Variants in SLC26A7 observed in about 807,000 individuals in gnomAD.
The protein encoded by SLC26A7 is anion exchange transporter.
A neutral mutation model predicts 82.5 loss-of-function variants in SLC26A7; 59 were observed. The ratio of observed to expected loss-of-function variants is 0.72; its 90% CI spans 0.58 to 0.89. The LOEUF (loss-of-function observed/expected upper bound fraction) is 0.89. Among genes scored for constraint, SLC26A7 ranks in the 40% least tolerant of loss-of-function variants. The pLI, the probability that SLC26A7 is intolerant of heterozygous loss-of-function variation, is 0.00. For missense variants in SLC26A7, 820 were observed against 793.0 expected, an observed-to-expected ratio of 1.03 and a Z score of -0.41; for synonymous variants, 271 against 274.3, an observed-to-expected ratio of 0.99 and a Z score of 0.12.
chr8:91,216,252 G>C (rs1413732476), intron 1 of SLC26A7, among the ~76,000 whole-genome samples: 1 of 152,080 alleles, frequency 6.6e-6, no homozygotes, highest in Non-Finnish European at 1.5e-5. Context: ...AGGGGAAAGA[G>C]GGACACAGAC....
intron 2 of SLC26A7, among the ~76,000 whole-genome samples, chr8:91,265,992 T>A (rs1292597267): frequency 6.6e-6 from 1 of 152,102 alleles, no homozygotes; most frequent in Non-Finnish European, 1.5e-5. Flanking sequence ...TTTGAGATCC[T>A]ATCCAAAAAG....
At chr8:91,228,114 C>A (rs1339161129) in intron 2 of SLC26A7, among the ~76,000 whole-genome samples, 1 of 152,200 alleles carries the variant, frequency 6.6e-6, no homozygotes, top group Non-Finnish European at 1.5e-5. Flanking sequence ...AGCCATGGCA[C>A]ACCAGAATTA....
chr8:91,279,925 G>A (rs1056209013), intron 2 of SLC26A7, among the ~76,000 whole-genome samples: 3 of 152,046 alleles, frequency 2.0e-5, no homozygotes, highest in African/African-American at 7.2e-5. Flanking sequence ...TTCTATTCAT[G>A]TCCTTTGCCC....
chr8:91,254,123 G>C (rs1025943588), intron 2 of SLC26A7, among the ~76,000 whole-genome samples: 21 of 152,016 alleles, frequency 1.4e-4, no homozygotes, highest in Non-Finnish European at 2.1e-4. Context: ...TGTTTTCTTT[G>C]TCCCAATGTT....
intron 4 of SLC26A7, among the ~76,000 whole-genome samples, chr8:91,314,344 T>A (rs765417130): frequency 1.3e-5 from 2 of 152,182 alleles, no homozygotes; most frequent in Non-Finnish European, 2.9e-5. Context: ...CATGGTTCAA[T>A]CTGTGGGCCC....
chr8:91,326,055 A>G (rs1812923138), intron 5 of SLC26A7, among the ~76,000 whole-genome samples: 1 of 152,080 alleles, frequency 6.6e-6, no homozygotes, highest in South Asian at 2.1e-4. Context: ...TGCCTGATTG[A>G]TCTTTGGTAG....
At chr8:91,296,260 A>G (rs1185836941) in intron 4 of SLC26A7, among the ~76,000 whole-genome samples, 3 of 152,216 alleles carry the variant, frequency 2.0e-5, no homozygotes, top group Non-Finnish European at 2.9e-5. Flanking sequence ...TCAAAATATC[A>G]GAATATGTAA....
rs771823537 is a variant in SLC26A7, at chr8:91,295,633, G to A, written c.407G>A (p.Gly136Asp). ...LTTQSNTSVL[G>D]LSDFEMQRIH... ...ACACAGAGTAACACAAGCGTGCTGG[G>A]CTTATCCGACTTTGAAATGCAAAGG... Residue 136 changes from glycine (G) to aspartate (D), a missense_variant, in exon 4 of 19, where the codon GGC becomes GAC. Coordinates refer to ENST00000276609, the MANE Select transcript of SLC26A7 (RefSeq NM_052832.4). 5.6e-6 allele frequency: 9 copies of A among 1,613,982 alleles called. No individual in the cohort carries two copies. Among genetic ancestry groups the A allele is most frequent in the Non-Finnish European group, 6.8e-6 (8 of 1,180,000 alleles).
Position 91,396,323 on chromosome 8 carries a change from C to A in SLC26A7, c.*1226C>A, listed in dbSNP as rs909040872. 1 of 151,986 alleles carries A rather than the reference C, an allele frequency of 6.6e-6. No homozygotes were observed. The highest frequency in any genetic ancestry group is 2.4e-5 in the African/African-American group (1 of 41,432). 9.4% of individuals were successfully genotyped at this position (151,986 alleles called of 1,614,324 possible). Reference sequence around the variant, plus strand: ...GCTTAAGCTTTTAACAGCATTTTAACCGCTCTAAAAATTACCAGAGTAAGA... The same window carrying A: ...GCTTAAGCTTTTAACAGCATTTTAAACGCTCTAAAAATTACCAGAGTAAGA... On this transcript the variant is annotated 3_prime_UTR_variant, in exon 19 of 19. Coordinates refer to ENST00000276609, the MANE Select transcript of SLC26A7 (RefSeq NM_052832.4).
chr8:91,256,146 A>G (rs1810794725), intron 2 of SLC26A7, among the ~76,000 whole-genome samples: 1 of 152,174 alleles, frequency 6.6e-6, no homozygotes, highest in Non-Finnish European at 1.5e-5. Flanking sequence ...GGATTAAAAG[A>G]ATGCTAATAC....
intron 1 of SLC26A7, among the ~76,000 whole-genome samples, chr8:91,215,833 G>C (rs1436312066): frequency 6.6e-6 from 1 of 152,100 alleles, no homozygotes; most frequent in Non-Finnish European, 1.5e-5. Flanking sequence ...CTATAACAGG[G>C]AGTGTCTTAT....
intron 2 of SLC26A7, among the ~76,000 whole-genome samples, chr8:91,284,574 T>C (rs78216163): frequency 6.6e-6 from 1 of 152,182 alleles, no homozygotes; most frequent in African/African-American, 2.4e-5. Flanking sequence ...GTTACAGATA[T>C]TGAGTCCTGA....
intron 9 of SLC26A7, among the ~76,000 whole-genome samples, chr8:91,344,788 T>A (rs1244056946): frequency 2.0e-5 from 3 of 152,186 alleles, no homozygotes; most frequent in Non-Finnish European, 4.4e-5. Flanking sequence ...TGTAGGGTCA[T>A]CTTCTGTAGT....
intron 15 of SLC26A7, among the ~76,000 whole-genome samples, chr8:91,380,342 A>G (rs985393635): frequency 5.3e-5 from 8 of 152,112 alleles, no homozygotes; most frequent in African/African-American, 1.9e-4. Context: ...TAAACACGAA[A>G]TTAATTTATG....
chr8:91,388,656 T>G (rs761246226), intron 15 of SLC26A7, among the ~76,000 whole-genome samples: 1 of 152,150 alleles, frequency 6.6e-6, no homozygotes, highest in Non-Finnish European at 1.5e-5. Flanking sequence ...GGCCTGTCAC[T>G]GTTAAGAAAT....
intron 2 of SLC26A7, among the ~76,000 whole-genome samples, chr8:91,276,238 AAAAG>A (rs1441093438): frequency 1.7e-5 from 2 of 120,806 alleles, no homozygotes; most frequent in Non-Finnish European, 3.6e-5. Context: ...AGAAATCATA[AAAAG>A]AAAGACATGC....
rs1428602564 is a variant in SLC26A7 at position 91,231,767 on chromosome 8, CTG to C, written c.-34+12768_-34+12769del. On this transcript the variant is annotated intron_variant, in intron 2 of 5. Transcript: ENST00000522862. Reference sequence around the variant, plus strand: ...CAAATACTGTATGACATAGGGAACTCTGTGTGTATGTGTGTATGTGTGTGTAT... The same window carrying C: ...CAAATACTGTATGACATAGGGAACTCTGTGTATGTGTGTATGTGTGTGTAT... Among the ~76,000 whole-genome samples the C allele has an allele frequency of 1.1e-4, 16 of 151,938 alleles. No homozygotes were observed. In the East Asian group the frequency reaches 3.1e-3, roughly 29 times the overall value.
At chr8:91,259,785 C>T (rs969811016) in intron 2 of SLC26A7, among the ~76,000 whole-genome samples, 1 of 152,108 alleles carries the variant, frequency 6.6e-6, no homozygotes, top group African/African-American at 2.4e-5. Flanking sequence ...CAGTAATTCT[C>T]AACCATGGCT....
At chr8:91,391,396 A>G (rs543609324) in intron 16 of SLC26A7, among the ~76,000 whole-genome samples, 3 of 152,346 alleles carry the variant, frequency 2.0e-5, no homozygotes, top group Admixed American at 1.3e-4. Flanking sequence ...GCTTAAAACA[A>G]TTGAAGTTTA....
Sources: allele counts gnomAD v4.1 joint callset (sites outside exome capture counted in the v4.1 genomes callset), GRCh38; gene constraint gnomAD v4.1.1; transcripts MANE v1.5; gene names NCBI Gene and HGNC (gene_info 2026-07-23, HGNC 2026-07-21).